Variants in MDGA2 observed in about 807,000 individuals in gnomAD.
MDGA2 encodes MAM domain-containing glycosylphosphatidylinositol anchor protein 2.
A neutral mutation model predicts 117.8 loss-of-function variants in MDGA2; 40 were observed. That is an observed-to-expected ratio of 0.34 (90% CI 0.26 to 0.44). The LOEUF is 0.44. Ranked by LOEUF, MDGA2 falls within the 20% of genes least tolerant of loss-of-function variation. The pLI, the probability that MDGA2 is intolerant of heterozygous loss-of-function variation, is 1.00. For synonymous variants in MDGA2, 452 were observed against 439.0 expected (o/e 1.03, Z -0.37); for missense variants, 1,123 against 1,250.6 (o/e 0.90, Z 1.54).
chr14:46,894,219 C>G (rs1317638873), intron 10 of MDGA2, among the ~76,000 whole-genome samples: 1 of 151,824 alleles, frequency 6.6e-6, no homozygotes, highest in Non-Finnish European at 1.5e-5. Flanking sequence ...TAGATTAAAC[C>G]AATAAACTTT....
chr14:47,068,906 G>A (rs1403753130), intron 6 of MDGA2, among the ~76,000 whole-genome samples: 2 of 151,870 alleles, frequency 1.3e-5, no homozygotes, highest in Admixed American at 6.6e-5. Context: ...TCTCGTAAGC[G>A]GTGCCCTTTC....
At chr14:47,010,297 T>C (rs942823430) in intron 8 of MDGA2, among the ~76,000 whole-genome samples, 8 of 151,942 alleles carry the variant, frequency 5.3e-5, no homozygotes, top group Admixed American at 1.3e-4. Flanking sequence ...TTAGAGATAA[T>C]CTAAGTGCTA....
At chr14:47,434,489 T>G (rs1892859567) in intron 1 of MDGA2, among the ~76,000 whole-genome samples, 1 of 152,150 alleles carries the variant, frequency 6.6e-6, no homozygotes, top group Non-Finnish European at 1.5e-5. Context: ...GATCAAGTGA[T>G]TCTTACTAAT....
chr14:47,349,414 CA>C (rs1890830339), intron 1 of MDGA2, among the ~76,000 whole-genome samples: 1 of 152,076 alleles, frequency 6.6e-6, no homozygotes, highest in African/African-American at 2.4e-5. Flanking sequence ...TTGACAAAGT[CA>C]AATATTTATA....
intron 5 of MDGA2, among the ~76,000 whole-genome samples, chr14:47,117,058 A>C (rs1180333863): frequency 1.3e-5 from 2 of 152,014 alleles, no homozygotes; most frequent in Non-Finnish European, 2.9e-5. Flanking sequence ...TCAATAGCAA[A>C]AAACAAACAA....
At chr14:47,324,164 G>C (rs1178438276) in intron 1 of MDGA2, among the ~76,000 whole-genome samples, 1 of 152,066 alleles carries the variant, frequency 6.6e-6, no homozygotes, top group Non-Finnish European at 1.5e-5. Flanking sequence ...AGAATGGCGT[G>C]AACCCAGGAG....
rs1356137137 is a variant in MDGA2 at position 47,144,019 on chromosome 14, C to T, written c.792+59G>A. On this transcript the variant is annotated intron_variant, in intron 4 of 16. Transcript: ENST00000399232. ...TTCAAATAGCTATGAATTCATGCTG[C>T]CTGAATTAGGAAAGTATCCTAGCAG... 2.4e-6 allele frequency: 3 copies of T among 1,267,360 alleles called. No individual in the cohort carries two copies. In the East Asian group the frequency reaches 8.1e-5, roughly 34 times the overall value. 78.5% of individuals were successfully genotyped at this position (1,267,360 alleles called of 1,614,324 possible).
chr14:47,518,975 G>A (rs575854754), intron 1 of MDGA2, among the ~76,000 whole-genome samples: 35 of 152,140 alleles, frequency 2.3e-4, no homozygotes, highest in East Asian at 3.9e-4. Context: ...AAGCTGAGGC[G>A]GGCAGATCAA....
At chr14:47,341,398 AC>A (rs1189719102) in intron 1 of MDGA2, among the ~76,000 whole-genome samples, 2 of 152,172 alleles carry the variant, frequency 1.3e-5, no homozygotes, top group African/African-American at 4.8e-5. Context: ...TCTTTTCAAC[AC>A]TGATGACGAT....
intron 3 of MDGA2, among the ~76,000 whole-genome samples, chr14:47,183,431 A>G (rs1003175433): frequency 6.6e-6 from 1 of 152,112 alleles, no homozygotes; most frequent in African/African-American, 2.4e-5. Context: ...TGACATTTCA[A>G]TAGATCCCTA....
At chr14:47,151,263 C>A (rs1394906136) in intron 3 of MDGA2, among the ~76,000 whole-genome samples, 1 of 152,154 alleles carries the variant, frequency 6.6e-6, no homozygotes, top group Non-Finnish European at 1.5e-5. Context: ...AGTGGCCCTG[C>A]AGAGTTTTCC....
chr14:46,938,710 C>T (rs1884883041), intron 9 of MDGA2, among the ~76,000 whole-genome samples: 1 of 151,762 alleles, frequency 6.6e-6, no homozygotes, highest in Admixed American at 6.6e-5. Flanking sequence ...ATGGAGGTTC[C>T]TCAAAAAACT....
At chr14:47,255,754 G>A (rs1419522541) in intron 2 of MDGA2, among the ~76,000 whole-genome samples, 1 of 151,658 alleles carries the variant, frequency 6.6e-6, no homozygotes. Flanking sequence ...ACATTCCTTG[G>A]TCCTACCCAA....
chr14:47,238,046 C>A (rs1886922089), intron 2 of MDGA2, among the ~76,000 whole-genome samples: 1 of 152,136 alleles, frequency 6.6e-6, no homozygotes, highest in South Asian at 2.1e-4. Context: ...GGCAAACCTA[C>A]CTTCCTGAAA....
intron 2 of MDGA2, among the ~76,000 whole-genome samples, chr14:47,291,531 C>G (rs1888889026): frequency 6.6e-6 from 1 of 152,198 alleles, no homozygotes; most frequent in African/African-American, 2.4e-5. Context: ...CTTAATACAT[C>G]TAACCTACCA....
At chr14:47,400,121 G>T (rs1362589394) in intron 1 of MDGA2, among the ~76,000 whole-genome samples, 1 of 152,106 alleles carries the variant, frequency 6.6e-6, no homozygotes, top group East Asian at 1.9e-4. Flanking sequence ...ACATTTAAAA[G>T]TATATATTTA....
chr14:47,464,100 T>A (rs1428180117), intron 1 of MDGA2, among the ~76,000 whole-genome samples: 2 of 141,518 alleles, frequency 1.4e-5, no homozygotes, highest in Admixed American at 7.1e-5. Context: ...ACTTACTATG[T>A]ACACACACAC....
Position 47,509,300 on chromosome 14 carries a change from T to C in MDGA2, c.280+165217A>G, listed in dbSNP as rs935538267. Among the ~76,000 whole-genome samples the C allele has an allele frequency of 3.3e-5, 5 of 152,206 alleles. No homozygotes were observed. The South Asian group carries it at 1.0e-3, about 31-fold the overall frequency. On this transcript the variant is annotated intron_variant, in intron 1 of 16. Transcript: ENST00000399232. ...ATATTTTGTAAAACCCTTGAAATGT[T>C]TATTCTGGAACTAAGGACAATGAGT...
At chr14:47,193,543 T>C (rs1885186751) in intron 3 of MDGA2, among the ~76,000 whole-genome samples, 1 of 152,186 alleles carries the variant, frequency 6.6e-6, no homozygotes, top group Non-Finnish European at 1.5e-5. Context: ...TCTCAATGTA[T>C]ATAAGTTAAG....
Sources: gnomAD v4.1 joint callset for allele counts (sites outside exome capture counted in the v4.1 genomes callset) on GRCh38, gnomAD v4.1.1 for gene constraint, MANE v1.5 for transcripts, NCBI Gene and HGNC (gene_info 2026-07-23, HGNC 2026-07-21) for gene names.